Variants in GLIS3 observed in about 807,000 individuals in gnomAD.
The protein encoded by GLIS3 is GLIS family zinc finger 3, also known as zinc finger protein GLIS3.
GLIS3 carries 53 observed loss-of-function variants against 78.6 expected under a neutral mutation model. The ratio of observed to expected loss-of-function variants is 0.67; its 90% CI spans 0.54 to 0.85. GLIS3 has a LOEUF of 0.85. GLIS3 is among the 40% of genes least tolerant of loss of function. The pLI is 0.00. For synonymous variants in GLIS3, 684 were observed against 509.9 expected (o/e 1.34, Z -4.60); for missense variants, 1,703 against 1,231.1 (o/e 1.38, Z -5.74).
the GLIS3 span, among the ~76,000 whole-genome samples, chr9:4,449,743 G>A: frequency 6.6e-6 from 1 of 152,198 alleles, no homozygotes; most frequent in Non-Finnish European, 1.5e-5. Flanking sequence ...CAGACCTGCA[G>A]CTGAGGGACC....
At chr9:4,103,661 C>T (rs773224798) in intron 4 of GLIS3, among the ~76,000 whole-genome samples, 3 of 152,156 alleles carry the variant, frequency 2.0e-5, no homozygotes, top group African/African-American at 4.8e-5. Flanking sequence ...TCTGCTTACA[C>T]ACTGCTGAGT....
At chr9:3,973,741 A>C (rs1393117184) in intron 4 of GLIS3, among the ~76,000 whole-genome samples, 3 of 152,206 alleles carry the variant, frequency 2.0e-5, no homozygotes, top group Non-Finnish European at 4.4e-5. Context: ...GACTATCAAA[A>C]CCAGAAGGCA....
At chr9:4,415,804 T>TC in the GLIS3 span, among the ~76,000 whole-genome samples, 6 of 142,732 alleles carry the variant, frequency 4.2e-5, no homozygotes, top group East Asian at 4.1e-4. Context: ...AACTTTTCTT[T>TC]TTTTTATTAA....
intron 2 of GLIS3, among the ~76,000 whole-genome samples, chr9:4,187,232 A>G (rs551642731): frequency 4.6e-4 from 70 of 152,214 alleles, no homozygotes; most frequent in African/African-American, 1.3e-3. Context: ...AGTTTTCCCA[A>G]AACCATTTAT....
At chr9:4,211,904 G>C (rs1236138033) in intron 2 of GLIS3, among the ~76,000 whole-genome samples, 1 of 152,218 alleles carries the variant, frequency 6.6e-6, no homozygotes, top group Non-Finnish European at 1.5e-5. Context: ...TTTTCTAAGT[G>C]AAAGAAGCCA....
the GLIS3 span, among the ~76,000 whole-genome samples, chr9:4,400,814 G>A: frequency 6.6e-6 from 1 of 152,118 alleles, no homozygotes; most frequent in African/African-American, 2.4e-5. Context: ...TGCACCCTGG[G>A]CCAAAAGGGT....
chr9:4,077,344 G>A (rs1828164240), intron 4 of GLIS3, among the ~76,000 whole-genome samples: 1 of 152,198 alleles, frequency 6.6e-6, no homozygotes, highest in Non-Finnish European at 1.5e-5. Flanking sequence ...ACATTTAAAA[G>A]AGATGCTGAG....
intron 2 of GLIS3, among the ~76,000 whole-genome samples, chr9:4,336,837 A>C (rs1817764304): frequency 6.6e-6 from 1 of 152,338 alleles, no homozygotes; most frequent in South Asian, 2.1e-4. Flanking sequence ...TCTGCTAAAA[A>C]GATCTATGAA....
intron 2 of GLIS3, among the ~76,000 whole-genome samples, chr9:4,136,429 T>C (rs971609140): frequency 6.6e-6 from 1 of 152,184 alleles, no homozygotes; most frequent in Non-Finnish European, 1.5e-5. Context: ...CACAGTCCAG[T>C]AAGCTTGGGA....
intron 2 of GLIS3, among the ~76,000 whole-genome samples, chr9:4,284,850 T>A (rs547495142): frequency 1.2e-4 from 18 of 152,100 alleles, no homozygotes; most frequent in African/African-American, 4.1e-4. Flanking sequence ...CCCAGGAGGA[T>A]GAGGCTGCAG....
chr9:4,006,579 C>T (rs756743027), intron 4 of GLIS3, among the ~76,000 whole-genome samples: 3 of 152,108 alleles, frequency 2.0e-5, no homozygotes, highest in African/African-American at 4.8e-5. Context: ...AAACACCTAG[C>T]CCTTTATATG....
At chr9:4,058,154 A>C (rs867567936) in intron 4 of GLIS3, among the ~76,000 whole-genome samples, 15 of 152,172 alleles carry the variant, frequency 9.9e-5, no homozygotes, top group Admixed American at 3.3e-4. Context: ...AGGAAAAGGA[A>C]GTAAATCCAG....
At chr9:4,049,193 C>T (rs1049188775) in intron 4 of GLIS3, among the ~76,000 whole-genome samples, 7 of 152,106 alleles carry the variant, frequency 4.6e-5, no homozygotes, top group Admixed American at 3.3e-4. Flanking sequence ...GTCTAGGATA[C>T]AGAGAGATTT....
intron 4 of GLIS3, among the ~76,000 whole-genome samples, chr9:3,946,497 T>C (rs1816304179): frequency 6.6e-6 from 1 of 152,222 alleles, no homozygotes; most frequent in Non-Finnish European, 1.5e-5. Context: ...AAAATGCATT[T>C]ACAGGTTTTA....
At chr9:4,469,335 T>A in the GLIS3 span, among the ~76,000 whole-genome samples, 1 of 152,118 alleles carries the variant, frequency 6.6e-6, no homozygotes, top group Admixed American at 6.6e-5. Context: ...GAATATACAT[T>A]CTTTTGAGCA....
intron 2 of GLIS3, among the ~76,000 whole-genome samples, chr9:4,142,740 A>G (rs1337047484): frequency 6.6e-6 from 1 of 152,346 alleles, no homozygotes; most frequent in South Asian, 2.1e-4. Context: ...AGTATTTCCA[A>G]TAAGGAAGAC....
At chr9:4,256,771 A>T (rs576139684) in intron 2 of GLIS3, among the ~76,000 whole-genome samples, 1 of 149,346 alleles carries the variant, frequency 6.7e-6, no homozygotes, top group Non-Finnish European at 1.5e-5. Context: ...AAAATTACAC[A>T]TTCACAAAAG....
In GLIS3 at chr9:3,828,491, A is replaced by G; in HGVS notation, c.2657-83T>C. 2.6e-6 allele frequency: 4 copies of G among 1,562,040 alleles called. No homozygotes were observed. In the South Asian group the frequency reaches 4.5e-5, roughly 18 times the overall value. Reference sequence around the variant, plus strand: ...GAAATGCACTACAGTAATGCAGCTCACCAAGTGAGGACTGGGGGCTAAGGA... The same window carrying G: ...GAAATGCACTACAGTAATGCAGCTCGCCAAGTGAGGACTGGGGGCTAAGGA... On this transcript the variant is annotated intron_variant, in intron 10 of 10. Transcript: ENST00000381971.
chr9:3,857,303 T>C (rs1392911996), intron 8 of GLIS3, among the ~76,000 whole-genome samples: 1 of 152,226 alleles, frequency 6.6e-6, no homozygotes, highest in Non-Finnish European at 1.5e-5. Flanking sequence ...CACCATCTGC[T>C]TACATTGCTT....
Sources: gnomAD v4.1 joint callset for allele counts (sites outside exome capture counted in the v4.1 genomes callset) on GRCh38, gnomAD v4.1.1 for gene constraint, MANE v1.5 for transcripts, NCBI Gene and HGNC (gene_info 2026-07-23, HGNC 2026-07-21) for gene names.